Variants in DPYD observed in about 807,000 individuals in gnomAD.
The protein encoded by DPYD is dihydropyrimidine dehydrogenase.
In DPYD, 109 loss-of-function variants were observed where a neutral mutation model predicts 116.2. The ratio of observed to expected loss-of-function variants is 0.94; its 90% confidence interval spans 0.80 to 1.10. The LOEUF (loss-of-function observed/expected upper bound fraction) is 1.10, where lower values mean the gene tolerates loss of function less well. Among genes scored for constraint, DPYD ranks in the 50% least tolerant of loss-of-function variants. The probability of loss-of-function intolerance (pLI) is 0.00; values close to 1 mark genes in which losing one functional copy is unlikely to be tolerated. For missense variants in DPYD, 1,302 were observed against 1,254.5 expected (o/e 1.04, Z -0.57); for synonymous variants, 440 against 432.0 (o/e 1.02, Z -0.23).
chr1:97,305,512 CTAATT>C (rs1667106684), intron 17 of DPYD, 134 bp from the exon 18 acceptor site: 2 of 1,165,966 alleles, frequency 1.7e-6, no homozygotes, highest in Admixed American at 3.5e-5. Flanking sequence ...AAGTTCTTCA[CTAATT>C]TAACTCCTAC....
intron 16 of DPYD, among the ~76,000 whole-genome samples, chr1:97,369,555 C>T (rs1299282076): frequency 6.6e-6 from 1 of 152,118 alleles, no homozygotes; most frequent in African/African-American, 2.4e-5. Context: ...CTGGGAAACT[C>T]GAGGGCCTCT....
chr1:97,848,326 T>G (rs1289190186), intron 2 of DPYD, among the ~76,000 whole-genome samples: 1 of 152,238 alleles, frequency 6.6e-6, no homozygotes, highest in East Asian at 1.9e-4. Context: ...CTCAATCTCC[T>G]GACCTCGTGA....
intron 14 of DPYD, among the ~76,000 whole-genome samples, chr1:97,414,082 A>G (rs1316999746): frequency 1.3e-5 from 2 of 152,146 alleles, no homozygotes; most frequent in East Asian, 1.9e-4. Context: ...AGACAAAACT[A>G]CTCAACAAAA....
chr1:97,188,531 C>T (rs1001894809), intron 20 of DPYD, among the ~76,000 whole-genome samples: 1 of 152,052 alleles, frequency 6.6e-6, no homozygotes, highest in African/African-American at 2.4e-5. Flanking sequence ...TAATGACCTG[C>T]AGCACTGGAC....
chr1:97,626,441 C>T (rs1656933098), intron 8 of DPYD, among the ~76,000 whole-genome samples: 1 of 151,690 alleles, frequency 6.6e-6, no homozygotes, highest in Non-Finnish European at 1.5e-5. Context: ...ACTACAAAGA[C>T]AAGAAAAAAA....
chr1:97,283,035 T>C (rs1364038430), intron 18 of DPYD, among the ~76,000 whole-genome samples: 1 of 152,146 alleles, frequency 6.6e-6, no homozygotes, highest in Non-Finnish European at 1.5e-5. Context: ...TGTATGCATG[T>C]GTCTTTATGG....
At position 97,423,917 on chromosome 1, in the gene DPYD, T is replaced by C. The variant is rs541060489; in HGVS notation, c.1905+26142A>G. 2.0e-5 allele frequency among the ~76,000 whole-genome samples: 3 copies of C among 152,242 alleles called. No individual in the cohort carries two copies. In the South Asian group the frequency reaches 6.2e-4, roughly 32 times the overall value. Reference sequence around the variant, plus strand: ...CACTAGCCTGTGAGTGCAAAATCTTTCCAATAAACCCACTATAAAACCAAA... The same window carrying C: ...CACTAGCCTGTGAGTGCAAAATCTTCCCAATAAACCCACTATAAAACCAAA... On this transcript the variant is annotated intron_variant, in intron 14 of 22. Transcript: ENST00000370192.
intron 8 of DPYD, among the ~76,000 whole-genome samples, chr1:97,637,701 T>C (rs1243967171): frequency 6.6e-6 from 1 of 152,134 alleles, no homozygotes; most frequent in African/African-American, 2.4e-5. Flanking sequence ...AGGGAACAAG[T>C]GTGATAGCCA....
At chr1:97,685,174 C>T (rs1236408855) in intron 7 of DPYD, among the ~76,000 whole-genome samples, 1 of 152,090 alleles carries the variant, frequency 6.6e-6, no homozygotes, top group Non-Finnish European at 1.5e-5. Context: ...TCCCTAGGTG[C>T]AAGGCTGGTT....
intron 18 of DPYD, among the ~76,000 whole-genome samples, chr1:97,302,366 A>G (rs953859129): frequency 6.6e-6 from 1 of 152,022 alleles, no homozygotes; most frequent in Non-Finnish European, 1.5e-5. Context: ...ATATAATTCA[A>G]CTTTTTAATG....
chr1:97,453,336 C>T (rs999005243), intron 13 of DPYD, among the ~76,000 whole-genome samples: 4 of 152,206 alleles, frequency 2.6e-5, no homozygotes, highest in Non-Finnish European at 4.4e-5. Flanking sequence ...GATCCATGAC[C>T]ACCTAGGGTA....
chr1:97,259,084 T>C (rs906092094), intron 18 of DPYD, among the ~76,000 whole-genome samples: 2 of 152,118 alleles, frequency 1.3e-5, no homozygotes, highest in African/African-American at 4.8e-5. Context: ...TGAGGCTAAC[T>C]GGATGGAAAA....
chr1:97,714,655 C>CAAAAAAAAAAAAAAAAAAAA (rs1193831747), intron 5 of DPYD, among the ~76,000 whole-genome samples: 1 of 49,928 alleles, frequency 2.0e-5, no homozygotes, highest in African/African-American at 7.2e-5. Flanking sequence ...AAAGAAAAGA[C>CAAAAAAAAAAAAAAAAAAAA]AAAAAAAAAA....
chr1:97,217,029 G>A (rs1442008592), intron 19 of DPYD, among the ~76,000 whole-genome samples: 1 of 152,018 alleles, frequency 6.6e-6, no homozygotes, highest in Non-Finnish European at 1.5e-5. Context: ...CCAAGATGGT[G>A]AAACTCCGTC....
rs553570103 is a variant in DPYD, at chr1:97,749,485, G to T, written c.234-9006C>A. ...CAAAATCCTTCCAAAGCTTTACAAA[G>T]AATTCAGTTAAGAGTTTTAATAGAG... is the stretch of plus-strand genomic sequence containing the variant. On this transcript the variant is annotated intron_variant, in intron 3 of 22. Coordinates refer to ENST00000370192, the MANE Select transcript of DPYD (RefSeq NM_000110.4). 2.0e-5 allele frequency among the ~76,000 whole-genome samples: 3 copies of T among 152,160 alleles called. No homozygotes were observed. In the East Asian group the frequency reaches 5.8e-4, roughly 29 times the overall value.
intron 3 of DPYD, among the ~76,000 whole-genome samples, chr1:97,810,951 C>T (rs951247493): frequency 1.3e-5 from 2 of 152,080 alleles, no homozygotes; most frequent in Non-Finnish European, 2.9e-5. Context: ...AATGTAACTC[C>T]GTACCCTCTG....
In DPYD at chr1:97,691,724, C is replaced by A; in HGVS notation, c.755G>T (p.Gly252Val). The change falls in exon 7 of 23, where the codon GGT becomes GTT. Residue 252 changes from glycine (G) to valine (V), a missense_variant. Physicochemically the swap from Gly to Val is moderately radical, Grantham distance 109 (BLOSUM62 -3). Coordinates refer to ENST00000370192, the MANE Select transcript of DPYD (RefSeq NM_000110.4). ...GGTGTTTTTTTCATTTACCTTTACA[C>A]CAAGGTCCTTCATTAGCTCAATCTC... The part of the protein sequence containing the change: ...NFEIELMKDL[G>V]VKIICGKSLS... 6.2e-7 allele frequency: 1 copy of A among 1,613,438 alleles called. No homozygotes were observed. Among genetic ancestry groups the A allele is most frequent in the Non-Finnish European group, 8.5e-7 (1 of 1,179,608 alleles).
intron 16 of DPYD, among the ~76,000 whole-genome samples, chr1:97,311,951 G>C (rs1303792751): frequency 6.6e-6 from 1 of 150,762 alleles, no homozygotes. Flanking sequence ...TGGTGTTAAA[G>C]TGGACAGAGA....
intron 3 of DPYD, among the ~76,000 whole-genome samples, chr1:97,810,789 G>T (rs565923841): frequency 4.6e-5 from 7 of 152,150 alleles, no homozygotes; most frequent in African/African-American, 1.7e-4. Flanking sequence ...TATCTCAAAA[G>T]CTTAATTATT....
Sources: allele counts gnomAD v4.1 joint callset (sites outside exome capture counted in the v4.1 genomes callset), GRCh38; gene constraint gnomAD v4.1.1; transcripts MANE v1.5; gene names NCBI Gene and HGNC (gene_info 2026-07-23, HGNC 2026-07-21).